Variants in CACNA2D1 observed in about 807,000 individuals in gnomAD.
CACNA2D1 encodes the protein voltage-dependent calcium channel subunit alpha-2/delta-1.
CACNA2D1 carries 53 observed loss-of-function variants against 171.5 expected under a neutral mutation model. That is an observed-to-expected ratio of 0.31 (90% CI 0.25 to 0.39). The LOEUF is 0.39. Among genes scored for constraint, CACNA2D1 ranks in the 10% least tolerant of loss-of-function variants. The pLI, the probability that CACNA2D1 is intolerant of heterozygous loss-of-function variation, is 1.00. For missense variants in CACNA2D1, 903 were observed against 1,299.8 expected (o/e 0.69, Z 4.69); for synonymous variants, 442 against 443.1 (o/e 1.00, Z 0.03).
intron 12 of CACNA2D1, among the ~76,000 whole-genome samples, chr7:82,030,813 T>A (rs1207359671): frequency 6.6e-6 from 1 of 151,920 alleles, no homozygotes; most frequent in Non-Finnish European, 1.5e-5. Context: ...GTAAGATTAA[T>A]TTGTAAATTT....
At chr7:82,084,348 C>A (rs556425737) in intron 7 of CACNA2D1, among the ~76,000 whole-genome samples, 1 of 152,130 alleles carries the variant, frequency 6.6e-6, no homozygotes, top group Non-Finnish European at 1.5e-5. Context: ...AACAGATCCA[C>A]GTCTACTGAT....
At chr7:82,250,063 C>A (rs1273233790) in intron 3 of CACNA2D1, among the ~76,000 whole-genome samples, 9 of 152,192 alleles carry the variant, frequency 5.9e-5, no homozygotes, top group Admixed American at 5.9e-4. Context: ...CAGAAGCAAG[C>A]AAGTAAACAG....
At chr7:82,117,830 G>C (rs747490944) in intron 5 of CACNA2D1, among the ~76,000 whole-genome samples, 28 of 151,972 alleles carry the variant, frequency 1.8e-4, no homozygotes, top group Non-Finnish European at 3.8e-4. Context: ...TAAGAAACTA[G>C]AGAGGTGCCT....
chr7:81,952,866 C>G (rs938818587), intron 38 of CACNA2D1, among the ~76,000 whole-genome samples: 6 of 152,046 alleles, frequency 3.9e-5, no homozygotes, highest in African/African-American at 1.2e-4. Context: ...CTACCTTTCT[C>G]CTCTTGTATG....
At chr7:82,031,514 A>G (rs1207195638) in intron 12 of CACNA2D1, among the ~76,000 whole-genome samples, 1 of 151,954 alleles carries the variant, frequency 6.6e-6, no homozygotes, top group Non-Finnish European at 1.5e-5. Flanking sequence ...CAGATGCTAA[A>G]CAAAAACCAA....
At chr7:82,361,737 T>C (rs139543339) in intron 1 of CACNA2D1, among the ~76,000 whole-genome samples, 3 of 152,280 alleles carry the variant, frequency 2.0e-5, no homozygotes, top group African/African-American at 4.8e-5. Context: ...CTAATGTACG[T>C]ACAGTTATTG....
intron 18 of CACNA2D1, among the ~76,000 whole-genome samples, chr7:82,005,050 T>C (rs1584371832): frequency 6.6e-6 from 1 of 152,168 alleles, no homozygotes; most frequent in Middle Eastern, 3.4e-3. Context: ...CAATAGAAAA[T>C]GTGGCCTGGA....
intron 5 of CACNA2D1, among the ~76,000 whole-genome samples, chr7:82,125,569 CT>C (rs1463989760): frequency 6.6e-6 from 1 of 152,002 alleles, no homozygotes; most frequent in African/African-American, 2.4e-5. Context: ...TTAACATCTA[CT>C]TTTTCTTTAA....
At chr7:82,205,998 G>A (rs1345940438) in intron 3 of CACNA2D1, among the ~76,000 whole-genome samples, 4 of 152,128 alleles carry the variant, frequency 2.6e-5, no homozygotes, top group East Asian at 1.9e-4. Flanking sequence ...ACACAAGAAT[G>A]TGCTTTTATC....
In CACNA2D1 at chr7:82,377,654, G is replaced by A. The variant is rs3801685; in HGVS notation, c.96-28005C>T. 1.8e-3 allele frequency among the ~76,000 whole-genome samples: 267 copies of A among 152,232 alleles called. 8 individuals are homozygous for A. The East Asian group carries it at 0.044, about 25-fold the overall frequency. ...AAGAGTCACTGTGATTAGAGGTTAGGAACCCTTTAAAGGACAGATCTTTTT... is the reference window on the plus strand; with the variant it reads ...AAGAGTCACTGTGATTAGAGGTTAGAAACCCTTTAAAGGACAGATCTTTTT... On this transcript the variant is annotated intron_variant, in intron 1 of 38. Transcript: ENST00000356860.
At chr7:82,179,665 T>G (rs1323199650) in intron 3 of CACNA2D1, among the ~76,000 whole-genome samples, 1 of 152,140 alleles carries the variant, frequency 6.6e-6, no homozygotes, top group Non-Finnish European at 1.5e-5. Flanking sequence ...TAAGGAAGCA[T>G]AATATAGTAA....
intron 3 of CACNA2D1, among the ~76,000 whole-genome samples, chr7:82,208,351 G>A (rs984505831): frequency 1.3e-5 from 2 of 152,034 alleles, no homozygotes; most frequent in Non-Finnish European, 2.9e-5. Context: ...TAGTTTGTCA[G>A]AAAGCTATAG....
At chr7:82,319,849 A>G (rs563497777) in intron 3 of CACNA2D1, among the ~76,000 whole-genome samples, 1 of 152,334 alleles carries the variant, frequency 6.6e-6, no homozygotes, top group Admixed American at 6.5e-5. Flanking sequence ...AGGAGTAGAC[A>G]GTCTTTTGTA....
intron 3 of CACNA2D1, among the ~76,000 whole-genome samples, chr7:82,308,635 G>A (rs1814041418): frequency 6.6e-6 from 1 of 152,174 alleles, no homozygotes. Context: ...CTCTCCATTT[G>A]TAAGGGAATC....
Position 82,038,085 on chromosome 7 carries a change from G to T in CACNA2D1, c.1030C>A (p.Leu344Met). 6.2e-7 allele frequency: 1 copy of T among 1,613,272 alleles called. No individual in the cohort carries two copies. Among genetic ancestry groups the T allele is most frequent in the African/African-American group, 1.3e-5 (1 of 74,990 alleles). Reference sequence around the variant, plus strand: ...CATAGCATGATACTTACATTAAGCAGCTGTTCAAAAGCAAAACTAAAGCCC... The same window carrying T: ...CATAGCATGATACTTACATTAAGCATCTGTTCAAAAGCAAAACTAAAGCCC... ...KKGFSFAFEQ[L>M]LNYNVSRANC... is the part of the protein sequence containing the mutation. Residue 344 changes from leucine (L) to methionine (M), a missense_variant, in exon 11 of 39, where the codon CTG (leucine) becomes ATG (methionine). Leu to Met is a conservative substitution (Grantham distance 15). Transcript: ENST00000356860.
chr7:82,180,925 G>A (rs1032845679), intron 3 of CACNA2D1, among the ~76,000 whole-genome samples: 13 of 151,666 alleles, frequency 8.6e-5, no homozygotes, highest in African/African-American at 2.4e-4. Flanking sequence ...AGGCTTTCTC[G>A]CAGGTGTTGC....
chr7:81,995,704 C>G (rs753550378), intron 19 of CACNA2D1, among the ~76,000 whole-genome samples: 2 of 149,898 alleles, frequency 1.3e-5, no homozygotes, highest in Non-Finnish European at 2.9e-5. Context: ...GAAGCTGAGG[C>G]AGGAGAATGG....
chr7:82,131,980 A>G (rs1791036835), intron 5 of CACNA2D1, among the ~76,000 whole-genome samples: 2 of 152,212 alleles, frequency 1.3e-5, no homozygotes, highest in South Asian at 4.1e-4. Flanking sequence ...ACTTCATGAG[A>G]TAAGTAACAA....
At chr7:81,958,228 T>G (rs1793669577) in intron 38 of CACNA2D1, among the ~76,000 whole-genome samples, 1 of 152,250 alleles carries the variant, frequency 6.6e-6, no homozygotes, top group African/African-American at 2.4e-5. Flanking sequence ...TTACTGATTT[T>G]ATTACTTCTT....
Sources: allele counts gnomAD v4.1 joint callset (sites outside exome capture counted in the v4.1 genomes callset), GRCh38; gene constraint gnomAD v4.1.1; transcripts MANE v1.5; gene names NCBI Gene and HGNC (gene_info 2026-07-23, HGNC 2026-07-21).